Variants in PRKCH observed in about 807,000 individuals in gnomAD.
PRKCH encodes protein kinase C eta.
PRKCH carries 28 observed loss-of-function variants against 82.5 expected under a neutral mutation model. The observed-to-expected ratio is 0.34, with a 90% CI of 0.25 to 0.47. The LOEUF is 0.47. Ranked by LOEUF, PRKCH falls within the 20% of genes least tolerant of loss-of-function variation. The pLI is 1.00. For missense variants in PRKCH, 705 were observed against 881.8 expected (o/e 0.80, Z 2.54); for synonymous variants, 322 against 327.4 (o/e 0.98, Z 0.18).
At chr14:61,529,345 A>G (rs1458447214) in intron 11 of PRKCH, 132 bp downstream of exon 11, 1 of 1,052,774 alleles carries the variant, frequency 9.5e-7, no homozygotes. Context: ...CGACACCTCT[A>G]GACTCATTTA....
intron 1 of PRKCH, among the ~76,000 whole-genome samples, chr14:61,189,488 T>A (rs931111253): frequency 6.0e-5 from 9 of 150,646 alleles, no homozygotes; most frequent in African/African-American, 2.2e-4. Context: ...GCTAACAGAC[T>A]GCACTGAAAT....
rs528188717 is a variant in PRKCH at position 61,466,934 on chromosome 14, A to G, written c.1278+9255A>G. Among the ~76,000 whole-genome samples, 14 of 152,288 alleles carry G rather than the reference A, an allele frequency of 9.2e-5. No individual in the cohort carries two copies. The East Asian group carries it at 2.3e-3, about 25-fold the overall frequency. On this transcript the variant is annotated intron_variant, in intron 9 of 13. Transcript: ENST00000332981. ...AATCCTGGTTTTTGAAGGTCAGAATATCTTGGAATCTTGTGAAATAAATGC... is the reference window on the plus strand; with the variant it reads ...AATCCTGGTTTTTGAAGGTCAGAATGTCTTGGAATCTTGTGAAATAAATGC...
intron 2 of PRKCH, among the ~76,000 whole-genome samples, chr14:61,410,223 C>T (rs952952084): frequency 2.6e-5 from 4 of 152,046 alleles, no homozygotes; most frequent in Admixed American, 6.6e-5. Flanking sequence ...ACCCCCACCC[C>T]GTTCTTAAAA....
At chr14:61,527,419 G>T (rs550739311) in intron 10 of PRKCH, among the ~76,000 whole-genome samples, 24 of 152,206 alleles carry the variant, frequency 1.6e-4, no homozygotes, top group South Asian at 1.2e-3. Context: ...CTCTCTATCC[G>T]TCTATCTCTA....
chr14:61,484,862 G>A (rs764046836), intron 9 of PRKCH, among the ~76,000 whole-genome samples: 9 of 146,142 alleles, frequency 6.2e-5, no homozygotes, highest in South Asian at 2.2e-4. Context: ...TTTACTTCCC[G>A]GGCTCAGGTG....
intron 2 of PRKCH, among the ~76,000 whole-genome samples, chr14:61,392,361 A>G (rs2046696841): frequency 6.6e-6 from 1 of 152,154 alleles, no homozygotes; most frequent in Non-Finnish European, 1.5e-5. Flanking sequence ...TGGTTTTATT[A>G]TACTCCCACC....
intron 1 of PRKCH, among the ~76,000 whole-genome samples, chr14:61,301,857 C>A (rs976000677): frequency 1.3e-5 from 2 of 152,148 alleles, no homozygotes; most frequent in Non-Finnish European, 2.9e-5. Flanking sequence ...AAGTACATAT[C>A]TTAAAGGCAA....
intron 2 of PRKCH, among the ~76,000 whole-genome samples, chr14:61,431,831 C>G (rs1883411060): frequency 6.6e-6 from 1 of 152,156 alleles, no homozygotes; most frequent in African/African-American, 2.4e-5. Flanking sequence ...TGTATTTTAT[C>G]TGACGTTAAT....
chr14:61,408,271 G>C (rs76679147), intron 2 of PRKCH, among the ~76,000 whole-genome samples: 1 of 152,132 alleles, frequency 6.6e-6, no homozygotes, highest in South Asian at 2.1e-4. Flanking sequence ...AGCTTTTGGG[G>C]GCATGGTGGA....
rs2045143858 is a variant in PRKCH, at chr14:61,270,713, C to G, written c.-19+83045C>G. ...GGTATCATGATGCAATGGCTCACAC[C>G]TGTAATCCCAGCACGTAGTGAGACT... On this transcript the variant is annotated intron_variant, in intron 1 of 3. Coordinates refer to the PRKCH transcript ENST00000555185. Among the ~76,000 whole-genome samples the G allele has an allele frequency of 2.0e-5, 3 of 152,188 alleles. No homozygotes were observed. The South Asian group carries it at 6.2e-4, about 31-fold the overall frequency.
At chr14:61,283,545 ATT>A (rs2045289826) in intron 1 of PRKCH, among the ~76,000 whole-genome samples, 1 of 151,526 alleles carries the variant, frequency 6.6e-6, no homozygotes, top group Non-Finnish European at 1.5e-5. Context: ...TTTTATTTTT[ATT>A]TTTTGGAGAT....
At chr14:61,516,175 C>T (rs1416261514) in intron 10 of PRKCH, among the ~76,000 whole-genome samples, 1 of 152,062 alleles carries the variant, frequency 6.6e-6, no homozygotes, top group South Asian at 2.1e-4. Flanking sequence ...GGGAGGGAAG[C>T]AGATTGAGGG....
intron 2 of PRKCH, among the ~76,000 whole-genome samples, chr14:61,396,873 C>T (rs911770736): frequency 6.6e-6 from 1 of 152,048 alleles, no homozygotes; most frequent in East Asian, 1.9e-4. Context: ...GTTGGTTACA[C>T]CAGAATAATT....
intron 10 of PRKCH, among the ~76,000 whole-genome samples, chr14:61,521,091 A>G (rs1209359741): frequency 1.3e-5 from 2 of 152,244 alleles, no homozygotes; most frequent in African/African-American, 2.4e-5. Context: ...GTCCAAGACA[A>G]TTGTTGAGAA....
chr14:61,465,269 T>G (rs1483009738), intron 9 of PRKCH, among the ~76,000 whole-genome samples: 1 of 152,234 alleles, frequency 6.6e-6, no homozygotes, highest in African/African-American at 2.4e-5. Context: ...GCCTGTGCTT[T>G]TACGGTCATA....
At chr14:61,266,818 A>C (rs930104028) in intron 1 of PRKCH, among the ~76,000 whole-genome samples, 6 of 152,212 alleles carry the variant, frequency 3.9e-5, no homozygotes, top group African/African-American at 1.4e-4. Flanking sequence ...TGCTAAAAAA[A>C]ATTCTGATTC....
intron 1 of PRKCH, among the ~76,000 whole-genome samples, chr14:61,218,701 A>G (rs2044633513): frequency 6.6e-6 from 1 of 152,192 alleles, no homozygotes; most frequent in Non-Finnish European, 1.5e-5. Flanking sequence ...TCAGGGGGAA[A>G]ATGTGAGCTT....
intron 1 of PRKCH, among the ~76,000 whole-genome samples, chr14:61,229,823 C>G: frequency 6.6e-6 from 1 of 152,126 alleles, no homozygotes; most frequent in East Asian, 1.9e-4. Context: ...CTGCTTCTTT[C>G]CAAGGATCAA....
chr14:61,495,618 G>T (rs542019659), intron 10 of PRKCH, among the ~76,000 whole-genome samples: 75 of 152,304 alleles, frequency 4.9e-4, no homozygotes, highest in African/African-American at 1.8e-3. Flanking sequence ...AGTAAAAGAA[G>T]AATAAAGACA....
Sources: allele counts gnomAD v4.1 joint callset (sites outside exome capture counted in the v4.1 genomes callset), GRCh38; gene constraint gnomAD v4.1.1; transcripts MANE v1.5; gene names NCBI Gene and HGNC (gene_info 2026-07-23, HGNC 2026-07-21).